GBE1: variants seen among roughly 807,000 people sequenced by gnomAD.
GBE1 encodes 1,4-alpha-glucan-branching enzyme.
GBE1 carries 70 observed loss-of-function variants against 88.8 expected under a neutral mutation model. That is an observed-to-expected ratio of 0.79 (90% confidence interval 0.65 to 0.96). The LOEUF (loss-of-function observed/expected upper bound fraction) is 0.96, where lower values mean the gene tolerates loss of function less well. GBE1 is among the 40% of genes least tolerant of loss of function. The pLI is 0.00. For synonymous variants in GBE1, 284 were observed against 300.1 expected, an observed-to-expected ratio of 0.95 and a Z score of 0.56; for missense variants, 872 against 871.0, an observed-to-expected ratio of 1.00 and a Z score of -0.01.
chr3:81,628,487 T>A (rs1307790719), intron 7 of GBE1, among the ~76,000 whole-genome samples: 8 of 151,950 alleles, frequency 5.3e-5, no homozygotes, highest in African/African-American at 1.4e-4. Flanking sequence ...GAATGGCAAA[T>A]GATAGAAATC....
chr3:81,582,405 T>A (rs928358260), intron 10 of GBE1, among the ~76,000 whole-genome samples: 1 of 152,100 alleles, frequency 6.6e-6, no homozygotes, highest in Non-Finnish European at 1.5e-5. Flanking sequence ...GGCAAGGAAA[T>A]GGCTTCTCCC....
At chr3:81,564,933 C>T (rs933308221) in intron 12 of GBE1, among the ~76,000 whole-genome samples, 9 of 152,206 alleles carry the variant, frequency 5.9e-5, no homozygotes, top group East Asian at 1.9e-4. Flanking sequence ...TTACACTCAG[C>T]GATTCTGTCT....
At chr3:81,594,220 T>C (rs901110694) in intron 7 of GBE1, among the ~76,000 whole-genome samples, 197 bp from the exon 8 acceptor site, 3 of 152,056 alleles carry the variant, frequency 2.0e-5, no homozygotes, top group African/African-American at 7.2e-5. Flanking sequence ...AAAGGAAAAT[T>C]ATTAATTTTT....
intron 15 of GBE1, among the ~76,000 whole-genome samples, chr3:81,494,616 C>T (rs1458379212): frequency 6.6e-6 from 1 of 152,094 alleles, no homozygotes; most frequent in Non-Finnish European, 1.5e-5. Context: ...ACATTTTATA[C>T]CTAGAATCGC....
intron 2 of GBE1, among the ~76,000 whole-genome samples, chr3:81,701,219 AAT>A (rs1458407471): frequency 1.3e-5 from 2 of 152,132 alleles, no homozygotes; most frequent in African/African-American, 4.8e-5. Flanking sequence ...GATGAATGTC[AAT>A]ATATATACAC....
At chr3:81,630,333 GC>G (rs1704489060) in intron 7 of GBE1, among the ~76,000 whole-genome samples, 1 of 152,036 alleles carries the variant, frequency 6.6e-6, no homozygotes, top group South Asian at 2.1e-4. Context: ...CGTGAAAATG[GC>G]CATCCCCATC....
intron 1 of GBE1, among the ~76,000 whole-genome samples, chr3:81,715,317 T>C (rs1705925668): frequency 6.6e-6 from 1 of 152,182 alleles, no homozygotes; most frequent in African/African-American, 2.4e-5. Flanking sequence ...GATGACCCAG[T>C]GGAGACCGCC....
At chr3:81,728,934 C>A (rs889394582) in intron 1 of GBE1, among the ~76,000 whole-genome samples, 2 of 151,830 alleles carry the variant, frequency 1.3e-5, no homozygotes, top group Middle Eastern at 3.4e-3. Context: ...CACTCTCTGA[C>A]TCAAGAAGCT....
chr3:81,607,945 A>G (rs1258327807), intron 7 of GBE1, among the ~76,000 whole-genome samples: 1 of 152,208 alleles, frequency 6.6e-6, no homozygotes, highest in Non-Finnish European at 1.5e-5. Flanking sequence ...GTATAGATAA[A>G]TGAAGATCAC....
intron 3 of GBE1, among the ~76,000 whole-genome samples, chr3:81,656,433 G>T (rs1013041378): frequency 1.3e-5 from 2 of 152,080 alleles, no homozygotes; most frequent in South Asian, 4.1e-4. Flanking sequence ...ACCTCCAGAG[G>T]GACTATGGCC....
intron 2 of GBE1, among the ~76,000 whole-genome samples, chr3:81,682,913 CATT>C (rs1705372701): frequency 6.6e-6 from 1 of 152,136 alleles, no homozygotes; most frequent in East Asian, 1.9e-4. Context: ...ATTATTTGGT[CATT>C]AATAGGAATG....
chr3:81,586,465 A>G (rs1703804384), intron 9 of GBE1, among the ~76,000 whole-genome samples: 1 of 152,212 alleles, frequency 6.6e-6, no homozygotes. Flanking sequence ...TGTTATTGCT[A>G]AAACATAGTT....
At position 81,536,896 on chromosome 3, in the gene GBE1, G is replaced by A; in HGVS notation, c.1803+15C>T. 1 of 1,565,120 alleles carries A rather than the reference G, an allele frequency of 6.4e-7. No individual in the cohort carries two copies. The highest frequency in any genetic ancestry group is 8.6e-7 in the Non-Finnish European group (1 of 1,159,352). On this transcript the variant is annotated intron_variant, in intron 13 of 15. Coordinates refer to ENST00000429644, the MANE Select transcript of GBE1 (RefSeq NM_000158.4). ...ATTGGTGACTAAAACACAGCATCCAGAGTGAAGAGCTTACCTGTGGAGCTG... is the reference window on the plus strand; with the variant it reads ...ATTGGTGACTAAAACACAGCATCCAAAGTGAAGAGCTTACCTGTGGAGCTG...
intron 1 of GBE1, among the ~76,000 whole-genome samples, chr3:81,755,538 C>T (rs1028352026): frequency 6.6e-6 from 1 of 152,150 alleles, no homozygotes; most frequent in African/African-American, 2.4e-5. Flanking sequence ...TATTGCAGCC[C>T]TATTCACAAT....
At chr3:81,533,897 T>C (rs1226568794) in intron 14 of GBE1, among the ~76,000 whole-genome samples, 2 of 152,046 alleles carry the variant, frequency 1.3e-5, no homozygotes, top group African/African-American at 4.8e-5. Flanking sequence ...ATTTGGACAT[T>C]GCTGGCACCC....
intron 7 of GBE1, among the ~76,000 whole-genome samples, chr3:81,618,865 C>A (rs925085956): frequency 1.3e-5 from 2 of 152,058 alleles, no homozygotes; most frequent in African/African-American, 4.8e-5. Context: ...ATTTGCTCTT[C>A]ATAAATCTAC....
At chr3:81,699,196 T>G (rs940081721) in intron 2 of GBE1, among the ~76,000 whole-genome samples, 2 of 152,074 alleles carry the variant, frequency 1.3e-5, no homozygotes, top group African/African-American at 4.8e-5. Flanking sequence ...ATAGCAAAAA[T>G]GCATTAACAG....
intron 3 of GBE1, among the ~76,000 whole-genome samples, chr3:81,659,479 G>C (rs1267280384): frequency 6.6e-6 from 1 of 150,830 alleles, no homozygotes; most frequent in African/African-American, 2.4e-5. Flanking sequence ...GGGACTACAG[G>C]TGCATGCCAC....
chr3:81,668,569 A>C (rs1391131820), intron 3 of GBE1, among the ~76,000 whole-genome samples: 1 of 152,120 alleles, frequency 6.6e-6, no homozygotes, highest in Admixed American at 6.5e-5. Flanking sequence ...GGTATTTTTC[A>C]TGCCTCCTAC....
Sources: gnomAD v4.1 joint callset for allele counts (sites outside exome capture counted in the v4.1 genomes callset) on GRCh38, gnomAD v4.1.1 for gene constraint, MANE v1.5 for transcripts, NCBI Gene and HGNC (gene_info 2026-07-23, HGNC 2026-07-21) for gene names.